GOLGA3: variants seen among roughly 807,000 people sequenced by gnomAD.
The protein encoded by GOLGA3 is golgin subfamily A member 3.
GOLGA3 carries 75 observed loss-of-function variants against 169.4 expected under a neutral mutation model. The observed-to-expected ratio is 0.44, with a 90% CI of 0.37 to 0.54. The LOEUF (loss-of-function observed/expected upper bound fraction) is 0.54. Among genes scored for constraint, GOLGA3 ranks in the 20% least tolerant of loss-of-function variants. GOLGA3 has a pLI of 0.00. For synonymous variants in GOLGA3, 824 were observed against 822.4 expected (o/e 1.00, Z -0.03); for missense variants, 1,899 against 1,930.0 (o/e 0.98, Z 0.30).
chr12:132,813,006 C>T (rs967117505), intron 4 of GOLGA3, among the ~76,000 whole-genome samples: 2 of 152,232 alleles, frequency 1.3e-5, no homozygotes, highest in African/African-American at 4.8e-5. Context: ...TAGTAAACTA[C>T]AGTAGCGTAT....
chr12:132,802,596 G>C (rs1483923306), intron 7 of GOLGA3, among the ~76,000 whole-genome samples: 1 of 150,692 alleles, frequency 6.6e-6, no homozygotes, highest in Non-Finnish European at 1.5e-5. Flanking sequence ...CTGCACTCCA[G>C]CGTGGGCAAC....
chr12:132,798,561 T>A, intron 8 of GOLGA3, 84 bp from the exon 9 acceptor site: 3 of 1,249,804 alleles, frequency 2.4e-6, no homozygotes, highest in Non-Finnish European at 3.3e-6. Context: ...GGCCCCAGGG[T>A]GAGGGTCACT....
chr12:132,790,059 T>C (rs563209995), intron 12 of GOLGA3, among the ~76,000 whole-genome samples: 99 of 150,858 alleles, frequency 6.6e-4, no homozygotes, highest in Middle Eastern at 3.5e-3. Context: ...AGGCCGGGCG[T>C]GGTGGCTCAT....
chr12:132,808,534 T>C lies in GOLGA3; in HGVS notation c.535A>G (p.Thr179Ala), dbSNP rs1425869129. ...AGCGTGCTAAAAAGTCTCGTTTTGG[T>C]TGCAGGTTGACTGGACTGAGAAGAA... is the stretch of plus-strand genomic sequence containing the variant. The part of the protein sequence containing the change: ...RQQERSSQPA[T>A]KTRLFSTLDP... The change falls in exon 5 of 24, where the codon ACC (threonine) becomes GCC (alanine). Residue 179 changes from threonine (T) to alanine (A), a missense_variant. Physicochemically the swap from Thr to Ala is moderately conservative, Grantham distance 58 (BLOSUM62 0). Transcript: ENST00000450791. 3 of 1,591,520 alleles carry C rather than the reference T, an allele frequency of 1.9e-6. No individual in the cohort carries two copies. Among genetic ancestry groups the C allele is most frequent in the Admixed American group, 1.8e-5 (1 of 56,408 alleles).
At chr12:132,800,963 A>C (rs1439091555) in intron 8 of GOLGA3, among the ~76,000 whole-genome samples, 2 of 152,244 alleles carry the variant, frequency 1.3e-5, no homozygotes, top group East Asian at 3.8e-4. Context: ...AGTCTCAAAA[A>C]AAAACCAAAA....
At position 132,777,846 on chromosome 12, in the gene GOLGA3, AC is replaced by A. The variant is rs2045336793; in HGVS notation, c.3583-42del. Reference sequence around the variant, plus strand: ...CCACGTTGTCCATGCCCTGCGTGACACCCACAGCTTTATGACGTGCCGGGCG... The same window carrying A: ...CCACGTTGTCCATGCCCTGCGTGACACCACAGCTTTATGACGTGCCGGGCG... On this transcript the variant is annotated intron_variant, in intron 18 of 23. Coordinates refer to ENST00000450791, the MANE Select transcript of GOLGA3 (RefSeq NM_001389683.1). This position sits in a 1 kb window ranked among gnomAD's most constrained non-coding sequence, Gnocchi z 4.7. The A allele has an allele frequency of 6.2e-7, 1 of 1,607,930 alleles. No homozygotes were observed. The highest frequency in any genetic ancestry group is 1.3e-5 in the African/African-American group (1 of 74,708).
At chr12:132,803,776 C>G (rs953695425) in intron 7 of GOLGA3, among the ~76,000 whole-genome samples, 3 of 152,164 alleles carry the variant, frequency 2.0e-5, no homozygotes, top group Admixed American at 1.3e-4. Context: ...CGGACCGGCT[C>G]ACATGGAGTC....
chr12:132,796,396 A>G (rs754331828), intron 10 of GOLGA3, 143 bp downstream of exon 10: 2 of 1,168,278 alleles, frequency 1.7e-6, no homozygotes, highest in Non-Finnish European at 2.4e-6. Flanking sequence ...CTGCAGCAGC[A>G]GCAGCGTCTG....
chr12:132,822,153 G>A lies in GOLGA3; in HGVS notation c.-25C>T. ...TGGTCAGGACGACACCAGCTGAGCT[G>A]ACGCTGAGGGGCTACAAGTGAACCT... On this transcript the variant is annotated 5_prime_UTR_variant, in exon 2 of 24. It introduces an in-frame stop codon into an upstream open reading frame of the 5' UTR. Coordinates refer to ENST00000450791, the MANE Select transcript of GOLGA3 (RefSeq NM_001389683.1). The A allele has an allele frequency of 6.3e-7, 1 of 1,586,612 alleles. No individual in the cohort carries two copies. The highest frequency in any genetic ancestry group is 2.4e-5 in the East Asian group (1 of 42,136).
intron 13 of GOLGA3, 110 bp downstream of exon 13, chr12:132,788,917 A>ACACACCCCCCCC: frequency 3.2e-6 from 1 of 311,264 alleles, no homozygotes; most frequent in South Asian, 4.2e-5. Context: ...CCCGACCCAG[A>ACACACCCCCCCC]CAGACCCCGC....
At chr12:132,815,782 C>G (rs1949928966) in intron 3 of GOLGA3, among the ~76,000 whole-genome samples, 1 of 152,110 alleles carries the variant, frequency 6.6e-6, no homozygotes, top group Non-Finnish European at 1.5e-5. Context: ...CACCTGTGGT[C>G]CAAGCTACTT....
Position 132,801,800 on chromosome 12 carries a change from G to T in GOLGA3, c.1767C>A (p.Arg589=). 6.2e-7 allele frequency: 1 copy of T among 1,611,658 alleles called. No individual in the cohort carries two copies. Residue 589 remains arginine (R), a synonymous_variant, in exon 8 of 24, where the codon CGC becomes CGA. Transcript: ENST00000450791. The stretch of plus-strand genomic sequence containing the variant: ...GGGCCATCTCACCCTGCAGCCTGAC[G>T]CGGGCCTCCTGTGCCAGGGCGAGCT... ...QQQLALAQEA[R]VRLQGEMAHI...
chr12:132,782,422 T>C lies in GOLGA3; in HGVS notation c.3339A>G (p.Glu1113=). ...TAAGCTTCCCTTTCTCGTGCTCTAA[T>C]TCAAGAGCCAACTTCTTGTTTGACT... is the stretch of plus-strand genomic sequence containing the variant. ...LEESNKKLAL[E]LEHEKGKLTG... The change falls in exon 17 of 24, where the codon GAA becomes GAG. Residue 1113 remains glutamate, a synonymous_variant. Coordinates refer to ENST00000450791, the MANE Select transcript of GOLGA3 (RefSeq NM_001389683.1). The C allele has an allele frequency of 6.2e-7, 1 of 1,613,828 alleles. No individual in the cohort carries two copies. Among genetic ancestry groups the C allele is most frequent in the Non-Finnish European group, 8.5e-7 (1 of 1,179,646 alleles).
chr12:132,806,976 T>C (rs10431485), intron 6 of GOLGA3, among the ~76,000 whole-genome samples: 146,877 of 152,236 alleles, frequency 0.96, 71,079 homozygotes, highest in Non-Finnish European at 1. Context: ...AACACGCCCA[T>C]GCACGATGAG....
chr12:132,780,079 C>T (rs868481114), intron 18 of GOLGA3, among the ~76,000 whole-genome samples: 5 of 136,190 alleles, frequency 3.7e-5, no homozygotes, highest in Admixed American at 1.5e-4. Flanking sequence ...CCCAGGCACA[C>T]GTGTGTGCAG....
chr12:132,783,449 C>T (rs923506858), intron 16 of GOLGA3, among the ~76,000 whole-genome samples: 10 of 67,054 alleles, frequency 1.5e-4, no homozygotes, highest in Non-Finnish European at 1.0e-4. Flanking sequence ...CAGGACACAG[C>T]CAGAGAGTGG....
At position 132,777,824 on chromosome 12, in the gene GOLGA3, C is replaced by A; in HGVS notation, c.3583-19G>T. ...CAGCCACCTAGGAGGAAGGAAGCCA[C>A]GTTGTCCATGCCCTGCGTGACACCC... On this transcript the variant is annotated intron_variant, in intron 18 of 23. Coordinates refer to ENST00000450791, the MANE Select transcript of GOLGA3 (RefSeq NM_001389683.1). This position sits in a 1 kb window ranked among gnomAD's most constrained non-coding sequence, Gnocchi z 4.7. 6.2e-7 allele frequency: 1 copy of A among 1,612,660 alleles called. No individual in the cohort carries two copies.
intron 22 of GOLGA3, 114 bp from the exon 23 acceptor site, chr12:132,774,434 G>A (rs1593218181): frequency 8.2e-7 from 1 of 1,219,542 alleles, no homozygotes; most frequent in East Asian, 2.4e-5. Context: ...GGGCCTCTGG[G>A]AAGGGGACCG....
At chr12:132,803,343 G>A (rs960310854) in intron 7 of GOLGA3, among the ~76,000 whole-genome samples, 2 of 152,170 alleles carry the variant, frequency 1.3e-5, no homozygotes, top group African/African-American at 4.8e-5. Flanking sequence ...TCACACTTAG[G>A]AAATCTGTGA....
Sources: allele counts gnomAD v4.1 joint callset (sites outside exome capture counted in the v4.1 genomes callset), GRCh38; gene constraint gnomAD v4.1.1; non-coding constraint Gnocchi (gnomAD v3.1); transcripts MANE v1.5; gene names NCBI Gene and HGNC (gene_info 2026-07-23, HGNC 2026-07-21).